The following HTR6 variants were observed in gnomAD, a reference collection of about 807,000 sequenced individuals.
HTR6 encodes 5-hydroxytryptamine (serotonin) receptor 6, G protein-coupled.
A neutral mutation model predicts 17.4 loss-of-function variants in HTR6; 15 were observed. The observed-to-expected ratio is 0.86, with a 90% CI of 0.58 to 1.33. The LOEUF (loss-of-function observed/expected upper bound fraction) is 1.33, where lower values mean the gene tolerates loss of function less well. Ranked by LOEUF, HTR6 falls within the 40% of genes most tolerant of loss-of-function variation. The probability of loss-of-function intolerance (pLI) is 0.00; values close to 1 mark genes in which losing one functional copy is unlikely to be tolerated. For synonymous variants in HTR6, 326 were observed against 295.5 expected (o/e 1.10, Z -1.06); for missense variants, 578 against 616.0 (o/e 0.94, Z 0.65).
intron 1 of HTR6, among the ~76,000 whole-genome samples, chr1:19,669,121 G>A (rs2095084905): frequency 1.3e-5 from 2 of 152,298 alleles, no homozygotes; most frequent in South Asian, 4.1e-4. Context: ...AGGAAGCTCT[G>A]CTCTCGTGAC....
intron 1 of HTR6, among the ~76,000 whole-genome samples, chr1:19,668,151 A>ATTC (rs2095083820): frequency 6.6e-6 from 1 of 152,158 alleles, no homozygotes; most frequent in Non-Finnish European, 1.5e-5. Context: ...CCTGTAGAAC[A>ATTC]TTCTTGAGTC....
intron 1 of HTR6, among the ~76,000 whole-genome samples, chr1:19,674,932 C>A (rs58179708): frequency 6.6e-6 from 1 of 152,144 alleles, no homozygotes; most frequent in Non-Finnish European, 1.5e-5. Context: ...GGACATGGCC[C>A]CAAGGGGCTG....
intron 1 of HTR6, among the ~76,000 whole-genome samples, chr1:19,669,681 G>A (rs904382878): frequency 6.6e-6 from 1 of 152,162 alleles, no homozygotes; most frequent in African/African-American, 2.4e-5. Flanking sequence ...GGAGCATCTC[G>A]TCCTTTTTCC....
At chr1:19,671,401 C>T (rs1207428871) in intron 1 of HTR6, among the ~76,000 whole-genome samples, 1 of 152,198 alleles carries the variant, frequency 6.6e-6, no homozygotes, top group East Asian at 1.9e-4. Flanking sequence ...TGCCTCTGTT[C>T]CTGCTTTCAA....
chr1:19,679,600 C>G lies in HTR6; in HGVS notation c.*232C>G, dbSNP rs2095099195. On this transcript the variant is annotated 3_prime_UTR_variant, in exon 3 of 3. Coordinates refer to ENST00000289753, the MANE Select transcript of HTR6 (RefSeq NM_000871.3). This position sits in a 1 kb window ranked among gnomAD's most constrained non-coding sequence, Gnocchi z 4.9. ...AAGGATGCTCCACTGTTGAGTGTAA[C>G]TTGTGTGTGCAGAGGATGGGCTGGA... The G allele has an allele frequency of 1.7e-6, 1 of 573,012 alleles. No individual in the cohort carries two copies. The highest frequency in any genetic ancestry group is 2.9e-6 in the Non-Finnish European group (1 of 342,804). The allele number at this position is 573,012 out of a possible 1,614,324, so 35.5% of individuals were successfully genotyped here. A position where few individuals can be genotyped will look rare whatever the true frequency, so the allele number is the denominator to read the frequency against.
intron 2 of HTR6, 75 bp from the exon 3 acceptor site, chr1:19,678,844 C>T: frequency 1.3e-6 from 2 of 1,555,042 alleles, no homozygotes; most frequent in Admixed American, 1.8e-5. Context: ...GTGTGTGTGT[C>T]TGCTCCATAC....
Position 19,665,898 on chromosome 1 carries a change from G to C in HTR6, c.145G>C (p.Ala49Pro), listed in dbSNP as rs1394622790. 4 of 1,611,532 alleles carry C rather than the reference G, an allele frequency of 2.5e-6. No homozygotes were observed. The highest frequency in any genetic ancestry group is 3.4e-6 in the Non-Finnish European group (4 of 1,179,222). Residue 49 changes from alanine to proline, a missense_variant, in exon 1 of 3, where the codon GCG becomes CCG. Physicochemically the swap from Ala to Pro is conservative, Grantham distance 27. Coordinates refer to ENST00000289753, the MANE Select transcript of HTR6 (RefSeq NM_000871.3). This position sits in a 1 kb window ranked among gnomAD's most constrained non-coding sequence, Gnocchi z 4.2. ...LTAAANSLLIALICTQPALRN... is the reference protein window; with the variant it reads ...LTAAANSLLIPLICTQPALRN... ...GGCGGCGGCCAACTCGCTGCTGATC[G>C]CGCTCATCTGCACTCAGCCCGCGCT...
intron 1 of HTR6, among the ~76,000 whole-genome samples, chr1:19,668,526 G>A (rs1241291757): frequency 6.6e-6 from 1 of 152,106 alleles, no homozygotes; most frequent in Admixed American, 6.6e-5. Flanking sequence ...AACTGCCTGC[G>A]GATATCTTCC....
intron 1 of HTR6, among the ~76,000 whole-genome samples, chr1:19,678,094 T>C (rs552039141): frequency 6.6e-6 from 1 of 152,334 alleles, no homozygotes; most frequent in Non-Finnish European, 1.5e-5. Context: ...GGGCTCATTG[T>C]AATGTGTGTG....
intron 1 of HTR6, among the ~76,000 whole-genome samples, chr1:19,668,108 C>G (rs1278023226): frequency 6.6e-6 from 1 of 152,256 alleles, no homozygotes; most frequent in Non-Finnish European, 1.5e-5. Context: ...GGAGTCCTGG[C>G]TGCCGCCCAG....
Position 19,679,206 on chromosome 1 carries a change from C to A in HTR6, c.1161C>A (p.Gly387=), listed in dbSNP as rs769022860. ...ATTCGGACTCAGACGCAGGCTCAGG[C>A]GGCTCCTCGGGCCTGCGGCTCACGG... is the stretch of plus-strand genomic sequence containing the variant. ...DSDSDSDAGS[G]GSSGLRLTAQ... Residue 387 remains glycine, a synonymous_variant, in exon 3 of 3, where the codon GGC becomes GGA. Transcript: ENST00000289753. This position sits in a 1 kb window ranked among gnomAD's most constrained non-coding sequence, Gnocchi z 4.9. The A allele has an allele frequency of 1.3e-6, 2 of 1,568,364 alleles. No individual in the cohort carries two copies. Among genetic ancestry groups the A allele is most frequent in the Admixed American group, 1.9e-5 (1 of 53,726 alleles).
intron 1 of HTR6, among the ~76,000 whole-genome samples, chr1:19,677,052 A>C (rs1428509317): frequency 6.6e-6 from 1 of 152,222 alleles, no homozygotes; most frequent in South Asian, 2.1e-4. Context: ...CACATGGTTT[A>C]GAGGAGGGCT....
Position 19,666,020 on chromosome 1 carries a change from C to CGGGCGCT in HTR6, c.271_277dup (p.Val93AlafsTer161). 6.2e-7 allele frequency: 1 copy of CGGGCGCT among 1,613,692 alleles called. No individual in the cohort carries two copies. The highest frequency in any genetic ancestry group is 1.3e-5 in the African/African-American group (1 of 75,024). On this transcript the variant is annotated frameshift_variant, in exon 1 of 3. Transcript: ENST00000289753. LOFTEE classifies it high-confidence loss of function. The surrounding 1 kb of genome is among the most constrained non-coding windows in gnomAD (Gnocchi z 4.5). ...CGCCGGCCATGCTGAACGCGCTGTA[C>CGGGCGCT]GGGCGCTGGGTGCTGGCGCGCGGCC...
At position 19,665,779 on chromosome 1, in the gene HTR6, C is replaced by G. The variant is rs1261060128; in HGVS notation, c.26C>G (p.Ala9Gly). The G allele has an allele frequency of 5.3e-6, 8 of 1,502,366 alleles. No homozygotes were observed. In the South Asian group the frequency reaches 1.1e-4, roughly 21 times the overall value. 93.1% of individuals were successfully genotyped at this position (1,502,366 alleles called of 1,614,324 possible). Residue 9 changes from alanine to glycine, a missense_variant, in exon 1 of 3, where the codon GCC (alanine) becomes GGC (glycine). By Grantham distance (60) the Ala-to-Gly change is moderately conservative (BLOSUM62 0). Coordinates refer to ENST00000289753, the MANE Select transcript of HTR6 (RefSeq NM_000871.3). The surrounding 1 kb of genome is among the most constrained non-coding windows in gnomAD (Gnocchi z 4.2). MVPEPGPT[A>G]NSTPAWGAGP... ...ATGGTCCCAGAGCCGGGCCCAACCG[C>G]CAATAGCACCCCGGCCTGGGGGGCA...
Position 19,665,843 on chromosome 1 carries a change from G to A in HTR6, c.90G>A (p.Ala30=), listed in dbSNP as rs2095080806. ...PSAPGGSGWV[A]AALCVVIALT... is the part of the protein sequence containing the mutation. Reference sequence around the variant, plus strand: ...CCCCGGGGGGCAGCGGCTGGGTGGCGGCCGCGCTGTGCGTGGTCATCGCGC... The same window carrying A: ...CCCCGGGGGGCAGCGGCTGGGTGGCAGCCGCGCTGTGCGTGGTCATCGCGC... The change falls in exon 1 of 3, where the codon GCG becomes GCA. Residue 30 remains alanine (A), a synonymous_variant. Coordinates refer to ENST00000289753, the MANE Select transcript of HTR6 (RefSeq NM_000871.3). The surrounding 1 kb of genome is among the most constrained non-coding windows in gnomAD (Gnocchi z 4.2). The A allele has an allele frequency of 3.8e-6, 6 of 1,575,010 alleles. No homozygotes were observed. Among genetic ancestry groups the A allele is most frequent in the South Asian group, 2.3e-5 (2 of 87,000 alleles).
At chr1:19,678,434 A>G in intron 1 of HTR6, 133 bp from the exon 2 acceptor site, 1 of 1,125,058 alleles carries the variant, frequency 8.9e-7, no homozygotes, top group Non-Finnish European at 1.3e-6. Flanking sequence ...GGACTCAGTC[A>G]AGGAACAGGG....
At chr1:19,676,704 A>G (rs900233453) in intron 1 of HTR6, among the ~76,000 whole-genome samples, 2 of 152,188 alleles carry the variant, frequency 1.3e-5, no homozygotes, top group African/African-American at 4.8e-5. Context: ...GAGTTGACAC[A>G]TCTTGGCTTT....
Position 19,678,700 on chromosome 1 carries a change from C to A in HTR6, c.848C>A (p.Pro283His). The stretch of plus-strand genomic sequence containing the variant: ...GGCATGTTCTTTGTGACCTGGTTGC[C>A]CTTCTTTGTGGCCAACATAGTCCAG... ...LLGMFFVTWL[P>H]FFVANIVQAV... is the part of the protein sequence containing the mutation. The change falls in exon 2 of 3, where the codon CCC becomes CAC. Residue 283 changes from proline to histidine, a missense_variant. Coordinates refer to ENST00000289753, the MANE Select transcript of HTR6 (RefSeq NM_000871.3). 1 of 1,612,418 alleles carries A rather than the reference C, an allele frequency of 6.2e-7. No homozygotes were observed. Among genetic ancestry groups the A allele is most frequent in the Non-Finnish European group, 8.5e-7 (1 of 1,178,714 alleles).
Position 19,679,203 on chromosome 1 carries a change from A to AGGCGGCTCCTCGGGCC in HTR6, c.1159_1174dup (p.Leu392ArgfsTer90). 1 of 1,572,216 alleles carries AGGCGGCTCCTCGGGCC rather than the reference A, an allele frequency of 6.4e-7. No homozygotes were observed. ...CAGATTCGGACTCAGACGCAGGCTC[A>AGGCGGCTCCTCGGGCC]GGCGGCTCCTCGGGCCTGCGGCTCA... On this transcript the variant is annotated frameshift_variant, in exon 3 of 3. Transcript: ENST00000289753. LOFTEE classifies it low-confidence loss of function (END_TRUNC). The surrounding 1 kb of genome is among the most constrained non-coding windows in gnomAD (Gnocchi z 4.9).
Sources: allele counts gnomAD v4.1 joint callset (sites outside exome capture counted in the v4.1 genomes callset), GRCh38; gene constraint gnomAD v4.1.1; non-coding constraint Gnocchi (gnomAD v3.1); transcripts MANE v1.5; gene names NCBI Gene and HGNC (gene_info 2026-07-23, HGNC 2026-07-21).